The following UBE2E1 variants were observed in gnomAD, a reference collection of about 807,000 sequenced individuals.
UBE2E1 encodes the protein ubiquitin-conjugating enzyme E2 E1.
A neutral mutation model predicts 21.4 loss-of-function variants in UBE2E1; 6 were observed. That is an observed-to-expected ratio of 0.28 (90% confidence interval 0.15 to 0.55). The LOEUF (loss-of-function observed/expected upper bound fraction) is 0.55. UBE2E1 is among the 20% of genes least tolerant of loss of function. The pLI, the probability that UBE2E1 is intolerant of heterozygous loss-of-function variation, is 0.93. For missense variants in UBE2E1, 142 were observed against 236.5 expected (o/e 0.60, Z 2.62); for synonymous variants, 87 against 82.7 (o/e 1.05, Z -0.28).
rs1197280900 is a variant in UBE2E1, at chr3:23,863,659, T to C, written c.204-23908T>C. ...GATTCTGCTGCCTCAGCCTCCCAAGTAGCTGAGATTACAGGCATGCGCCAC... is the reference window on the plus strand; with the variant it reads ...GATTCTGCTGCCTCAGCCTCCCAAGCAGCTGAGATTACAGGCATGCGCCAC... On this transcript the variant is annotated intron_variant, in intron 3 of 5. Transcript: ENST00000306627. The surrounding 1 kb of genome is among the most constrained non-coding windows in gnomAD (Gnocchi z 4.3). Among the ~76,000 whole-genome samples the C allele has an allele frequency of 6.6e-6, 1 of 152,154 alleles. No homozygotes were observed. The highest frequency in any genetic ancestry group is 1.5e-5 in the Non-Finnish European group (1 of 68,020).
intron 3 of UBE2E1, among the ~76,000 whole-genome samples, chr3:23,850,152 T>C (rs1047228904): frequency 1.3e-5 from 2 of 152,158 alleles, no homozygotes; most frequent in Non-Finnish European, 1.5e-5. Context: ...ATTTTAAAAG[T>C]TCTTATTTAT....
intron 3 of UBE2E1, among the ~76,000 whole-genome samples, chr3:23,811,799 TG>T (rs1348364630): frequency 6.6e-6 from 1 of 152,216 alleles, no homozygotes; most frequent in Non-Finnish European, 1.5e-5. Flanking sequence ...CATGGGTCTT[TG>T]ATATGCCATT....
At chr3:23,880,103 C>G (rs1411569033) in intron 3 of UBE2E1, among the ~76,000 whole-genome samples, 2 of 152,166 alleles carry the variant, frequency 1.3e-5, no homozygotes, top group African/African-American at 4.8e-5. Context: ...AAAAATTAGG[C>G]TGGGCGCAGT....
rs375835639 is a variant in UBE2E1, at chr3:23,876,580, AT to A, written c.204-10978del. ...TCATAGGGAATGTAGATGTAATTGG[AT>A]TTTTTTTTCATATAAGCATTTTGTA... On this transcript the variant is annotated intron_variant, in intron 3 of 5. Transcript: ENST00000306627. The surrounding 1 kb of genome is among the most constrained non-coding windows in gnomAD (Gnocchi z 4.3). Among the ~76,000 whole-genome samples, 73 of 150,408 alleles carry A rather than the reference AT, an allele frequency of 4.9e-4. No individual in the cohort carries two copies. The highest frequency in any genetic ancestry group is 1.7e-3 in the African/African-American group (69 of 40,908).
In UBE2E1 at chr3:23,816,670, G is replaced by C. The variant is rs533840430; in HGVS notation, c.203+5160G>C. On this transcript the variant is annotated intron_variant, in intron 3 of 5. Transcript: ENST00000306627. The surrounding 1 kb of genome is among the most constrained non-coding windows in gnomAD (Gnocchi z 4.8). ...TGCTGTGAGCAGAGATCGCACCACT[G>C]CACTCCAGCCTGGGCAACAAAGCGA... Among the ~76,000 whole-genome samples the C allele has an allele frequency of 2.6e-5, 4 of 152,222 alleles. No homozygotes were observed. The East Asian group carries it at 7.7e-4, about 29-fold the overall frequency.
At chr3:23,824,052 G>C (rs1013150373) in intron 3 of UBE2E1, among the ~76,000 whole-genome samples, 2 of 152,204 alleles carry the variant, frequency 1.3e-5, no homozygotes. Context: ...TGTTAAAACT[G>C]AAATTTGAAG....
rs138967152 is a variant in UBE2E1 at position 23,817,181 on chromosome 3, G to A, written c.203+5671G>A. ...GCACAAGCTGGGCATGGTGGCTCACGCCTGTAATCCCAGCACTTTGGGAGG... is the reference window on the plus strand; with the variant it reads ...GCACAAGCTGGGCATGGTGGCTCACACCTGTAATCCCAGCACTTTGGGAGG... On this transcript the variant is annotated intron_variant, in intron 3 of 5. Transcript: ENST00000306627. 5.4e-3 allele frequency among the ~76,000 whole-genome samples: 828 copies of A among 152,220 alleles called. 6 individuals carry two copies. The highest frequency in any genetic ancestry group is 0.019 in the African/African-American group (801 of 41,534).
chr3:23,852,926 T>G (rs1700356531), intron 3 of UBE2E1, among the ~76,000 whole-genome samples: 1 of 151,044 alleles, frequency 6.6e-6, no homozygotes, highest in Non-Finnish European at 1.5e-5. Flanking sequence ...TGTTTTTTTT[T>G]TTGTTTTGAG....
At chr3:23,888,123 A>G (rs1701232707) in intron 4 of UBE2E1, 33 of 425,646 alleles carry the variant, frequency 7.8e-5, no homozygotes, top group Middle Eastern at 6.5e-4. Context: ...CAAGACCCCA[A>G]AAAAAGGCAG....
chr3:23,839,246 G>A (rs1575821500), intron 3 of UBE2E1, among the ~76,000 whole-genome samples: 3 of 151,980 alleles, frequency 2.0e-5, no homozygotes, highest in South Asian at 2.1e-4. Flanking sequence ...GGTGGATCAC[G>A]AGGTCAGGAG....
intron 5 of UBE2E1, chr3:23,889,676 C>T (rs1182215045): frequency 1.6e-5 from 16 of 985,236 alleles, no homozygotes; most frequent in Non-Finnish European, 1.9e-5. Flanking sequence ...TGAGATGGCA[C>T]TCAATTTTGA....
intron 3 of UBE2E1, among the ~76,000 whole-genome samples, chr3:23,857,830 C>A (rs1029302680): frequency 1.3e-5 from 2 of 152,174 alleles, no homozygotes; most frequent in African/African-American, 4.8e-5. Flanking sequence ...GAGATGGTAG[C>A]AATGACCTTA....
chr3:23,844,400 A>G (rs969474319), intron 3 of UBE2E1, among the ~76,000 whole-genome samples: 18 of 152,178 alleles, frequency 1.2e-4, no homozygotes, highest in Non-Finnish European at 1.2e-4. Flanking sequence ...CCCTGTTGCT[A>G]TGCAAGCATC....
intron 3 of UBE2E1, chr3:23,879,333 G>A (rs1700984899): frequency 1.1e-5 from 8 of 718,118 alleles, no homozygotes; most frequent in South Asian, 4.2e-5. Flanking sequence ...AATTTTCTCC[G>A]TGTTAAATCT....
intron 3 of UBE2E1, among the ~76,000 whole-genome samples, chr3:23,854,904 G>A (rs977055283): frequency 6.6e-6 from 1 of 152,120 alleles, no homozygotes; most frequent in African/African-American, 2.4e-5. Context: ...AAACTTGTTG[G>A]TATTTTATGG....
At chr3:23,879,357 G>C (rs1700985488) in intron 3 of UBE2E1, 2 of 615,318 alleles carry the variant, frequency 3.3e-6, no homozygotes, top group Non-Finnish European at 5.8e-6. Flanking sequence ...GGTAGGTACA[G>C]TATTTACAAA....
At chr3:23,844,349 T>G (rs571014153) in intron 3 of UBE2E1, among the ~76,000 whole-genome samples, 2 of 152,308 alleles carry the variant, frequency 1.3e-5, no homozygotes, top group South Asian at 4.1e-4. Context: ...GATGCCTAAT[T>G]CTTTCTTACA....
chr3:23,861,264 C>G (rs563830344), intron 3 of UBE2E1, among the ~76,000 whole-genome samples: 25 of 152,328 alleles, frequency 1.6e-4, no homozygotes, highest in African/African-American at 5.1e-4. Flanking sequence ...GTTAGACCTC[C>G]TATAGCCTCT....
Position 23,848,996 on chromosome 3 carries a change from G to A in UBE2E1, c.203+37486G>A, listed in dbSNP as rs1170422996. Among the ~76,000 whole-genome samples the A allele has an allele frequency of 2.6e-5, 4 of 152,156 alleles. No homozygotes were observed. In the East Asian group the frequency reaches 7.7e-4, roughly 29 times the overall value. On this transcript the variant is annotated intron_variant, in intron 3 of 5. Coordinates refer to ENST00000306627, the MANE Select transcript of UBE2E1 (RefSeq NM_003341.5). ...ATGGCTGAATAATACATATTTCATTGTAGGGATATACCATGTTTATCCATA... is the reference window on the plus strand; with the variant it reads ...ATGGCTGAATAATACATATTTCATTATAGGGATATACCATGTTTATCCATA...
Sources: gnomAD v4.1 joint callset for allele counts (sites outside exome capture counted in the v4.1 genomes callset) on GRCh38, gnomAD v4.1.1 for gene constraint, Gnocchi (gnomAD v3.1) non-coding constraint, MANE v1.5 for transcripts, NCBI Gene and HGNC (gene_info 2026-07-23, HGNC 2026-07-21) for gene names.